The following ELAVL4 variants were observed in gnomAD, a reference collection of about 807,000 sequenced individuals.
ELAVL4 encodes the protein ELAV-like protein 4.
In ELAVL4, 1 loss-of-function variant was observed where a neutral mutation model predicts 35.6. The observed-to-expected ratio is 0.03, with a 90% CI of 0.01 to 0.13. The LOEUF (loss-of-function observed/expected upper bound fraction) is 0.13. ELAVL4 is among the 10% of genes least tolerant of loss of function. The pLI, the probability that ELAVL4 is intolerant of heterozygous loss-of-function variation, is 1.00. For synonymous variants in ELAVL4, 156 were observed against 171.0 expected, an observed-to-expected ratio of 0.91 and a Z score of 0.69; for missense variants, 267 against 464.9, an observed-to-expected ratio of 0.57 and a Z score of 3.91.
chr1:50,126,087 T>C (rs1026579129), intron 1 of ELAVL4, among the ~76,000 whole-genome samples: 3 of 152,068 alleles, frequency 2.0e-5, no homozygotes, highest in African/African-American at 7.2e-5. Flanking sequence ...CCCCCTAGGG[T>C]GTGCATTTTA....
In ELAVL4 at chr1:50,133,651, G is replaced by GAAAGAAAGAGAA. The variant is rs1386510703; in HGVS notation, c.10-11305_10-11304insAAGAAAGAGAAA. On this transcript the variant is annotated intron_variant, in intron 1 of 6. Transcript: ENST00000371824. ...AGAAAGAAAGAAAGAAAGAAAGAAA[G>GAAAGAAAGAGAA]AGAAAGAAAGAAAGAAAGAAAGAAG... Among the ~76,000 whole-genome samples, 188 of 91,920 alleles carry GAAAGAAAGAGAA rather than the reference G, an allele frequency of 2.0e-3. 1 individual carries two copies. Among genetic ancestry groups the GAAAGAAAGAGAA allele is most frequent in the African/African-American group, 5.9e-3 (161 of 27,304 alleles). 60.3% of individuals were successfully genotyped at this position (91,920 alleles called of 152,430 possible). A position where few individuals can be genotyped will look rare whatever the true frequency, so the allele number is the denominator to read the frequency against.
chr1:50,152,274 A>G lies in ELAVL4; in HGVS notation c.250+7077A>G, dbSNP rs572997083. ...GTAGGAAAGTATTCTCACATCCCAG[A>G]AGAGATGTCTCAAAGGATTTTTACC... On this transcript the variant is annotated intron_variant, in intron 2 of 6. Transcript: ENST00000371824. 8.1e-4 allele frequency among the ~76,000 whole-genome samples: 124 copies of G among 152,278 alleles called. 2 individuals are homozygous for G. The highest frequency in any genetic ancestry group is 7.7e-3 in the South Asian group (37 of 4,816).
chr1:50,196,214 C>T (rs754734764), intron 5 of ELAVL4, among the ~76,000 whole-genome samples: 64 of 152,292 alleles, frequency 4.2e-4, no homozygotes, highest in Non-Finnish European at 7.9e-4. Context: ...TCTTTTCCCT[C>T]GGCAGGTAAC....
At chr1:50,106,281 T>C, upstream of ELAVL4, 3 of 1,605,268 alleles carry the variant, frequency 1.9e-6, no homozygotes, top group Non-Finnish European at 2.6e-6. Context: ...CGACTGATGC[T>C]GAGATATCTG....
intron 5 of ELAVL4, among the ~76,000 whole-genome samples, chr1:50,197,173 G>A (rs557743619): frequency 3.4e-5 from 5 of 147,974 alleles, no homozygotes; most frequent in African/African-American, 1.3e-4. Context: ...GAGGTGGGGG[G>A]AATGGTATTA....
intron 3 of ELAVL4, among the ~76,000 whole-genome samples, chr1:50,182,950 C>T (rs556158769): frequency 3.3e-5 from 5 of 151,736 alleles, no homozygotes; most frequent in African/African-American, 7.3e-5. Context: ...CTCCACCTCC[C>T]GGGATCAAGC....
intron 1 of ELAVL4, chr1:50,144,692 GC>G (rs1673378597): frequency 7.8e-6 from 5 of 642,326 alleles, no homozygotes; most frequent in African/African-American, 5.4e-5. Flanking sequence ...ACAGGAATTA[GC>G]TTTTCATTAA....
At chr1:50,161,049 C>T (rs1469252850) in intron 2 of ELAVL4, among the ~76,000 whole-genome samples, 1 of 152,182 alleles carries the variant, frequency 6.6e-6, no homozygotes, top group Admixed American at 6.5e-5. Flanking sequence ...TTTTTTCTAT[C>T]TCTTCCTCTT....
intron 2 of ELAVL4, among the ~76,000 whole-genome samples, chr1:50,159,237 G>C (rs1292034972): frequency 6.6e-6 from 1 of 152,060 alleles, no homozygotes; most frequent in East Asian, 1.9e-4. Context: ...TTTTCCAAAG[G>C]CGCTTAATTG....
At chr1:50,052,096 A>T (rs777538032) in intron 1 of ELAVL4, among the ~76,000 whole-genome samples, 4 of 152,182 alleles carry the variant, frequency 2.6e-5, no homozygotes, top group Non-Finnish European at 5.9e-5. Flanking sequence ...ACATCCTGAG[A>T]TACTGGGGGT....
chr1:50,055,150 C>G (rs1663587408), intron 1 of ELAVL4, among the ~76,000 whole-genome samples: 1 of 152,174 alleles, frequency 6.6e-6, no homozygotes, highest in African/African-American at 2.4e-5. Flanking sequence ...GACCAAGACA[C>G]CACTTTAAAA....
intron 1 of ELAVL4, among the ~76,000 whole-genome samples, chr1:50,067,440 G>A (rs1664315451): frequency 6.6e-6 from 1 of 152,176 alleles, no homozygotes. Flanking sequence ...AGGTGAAATA[G>A]ACATGGATCC....
At position 50,155,058 on chromosome 1, in the gene ELAVL4, A is replaced by C. The variant is rs145819934; in HGVS notation, c.250+9861A>C. Among the ~76,000 whole-genome samples the C allele has an allele frequency of 3.3e-3, 498 of 151,830 alleles. 2 individuals carry two copies. The highest frequency in any genetic ancestry group is 0.012 in the African/African-American group (481 of 41,394). ...ATTATTATACTTTAAGTTTTAGGGT[A>C]CATGTGCACAATATGCAGGTTAGTT... On this transcript the variant is annotated intron_variant, in intron 2 of 6. Coordinates refer to ENST00000371824, the MANE Select transcript of ELAVL4 (RefSeq NM_001144774.3).
At position 50,165,897 on chromosome 1, in the gene ELAVL4, T is replaced by C. The variant is rs1004624233; in HGVS notation, c.251-11192T>C. ...CACAATCACAAGGTCCCGCAATCGGTTGTCTGCAAGCTGAGGAGCAAGGAG... is the reference window on the plus strand; with the variant it reads ...CACAATCACAAGGTCCCGCAATCGGCTGTCTGCAAGCTGAGGAGCAAGGAG... On this transcript the variant is annotated intron_variant, in intron 2 of 6. Coordinates refer to ENST00000371824, the MANE Select transcript of ELAVL4 (RefSeq NM_001144774.3). Among the ~76,000 whole-genome samples the C allele has an allele frequency of 7.3e-5, 11 of 151,484 alleles. No individual in the cohort carries two copies. The East Asian group carries it at 2.1e-3, about 29-fold the overall frequency.
At chr1:50,050,761 TATG>T (rs1485760449) in intron 1 of ELAVL4, among the ~76,000 whole-genome samples, 6 of 152,084 alleles carry the variant, frequency 3.9e-5, no homozygotes, top group African/African-American at 1.5e-4. Flanking sequence ...ATTTGCATAA[TATG>T]ATAATGGATA....
intron 5 of ELAVL4, among the ~76,000 whole-genome samples, chr1:50,197,058 C>T (rs965459318): frequency 6.6e-6 from 1 of 152,154 alleles, no homozygotes; most frequent in Non-Finnish European, 1.5e-5. Context: ...GAACAGAGAC[C>T]TTTATTTACA....
At chr1:50,130,275 G>T (rs563677595) in intron 1 of ELAVL4, among the ~76,000 whole-genome samples, 5 of 152,260 alleles carry the variant, frequency 3.3e-5, no homozygotes, top group Admixed American at 3.3e-4. Flanking sequence ...CAGACTTAGA[G>T]ATTGAAGAAA....
At chr1:50,154,351 A>G (rs1675341855) in intron 2 of ELAVL4, among the ~76,000 whole-genome samples, 1 of 151,780 alleles carries the variant, frequency 6.6e-6, no homozygotes, top group Non-Finnish European at 1.5e-5. Context: ...CTCTAAGGTG[A>G]TGTACCCATT....
At chr1:50,156,179 A>T (rs1675710407) in intron 2 of ELAVL4, among the ~76,000 whole-genome samples, 1 of 152,214 alleles carries the variant, frequency 6.6e-6, no homozygotes, top group African/African-American at 2.4e-5. Flanking sequence ...GACAGACTTC[A>T]CTGAAAGTCC....
Sources: allele counts gnomAD v4.1 joint callset (sites outside exome capture counted in the v4.1 genomes callset), GRCh38; gene constraint gnomAD v4.1.1; transcripts MANE v1.5; gene names NCBI Gene and HGNC (gene_info 2026-07-23, HGNC 2026-07-21).